The following USH2A variants were observed in gnomAD, a reference collection of about 807,000 sequenced individuals.
USH2A encodes the protein usherin.
Under a neutral mutation model 538.9 loss-of-function variants are expected in USH2A, and 443 were observed. The observed-to-expected ratio is 0.82, with a 90% CI of 0.76 to 0.89. The LOEUF (loss-of-function observed/expected upper bound fraction) is 0.89. USH2A is among the 40% of genes least tolerant of loss of function. The pLI, the probability that USH2A is intolerant of heterozygous loss-of-function variation, is 0.00. For synonymous variants in USH2A, 2,413 were observed against 2,273.5 expected, an observed-to-expected ratio of 1.06 and a Z score of -1.75; for missense variants, 6,633 against 6,324.8, an observed-to-expected ratio of 1.05 and a Z score of -1.65.
chr1:216,147,588 A>G (rs1029853949), intron 21 of USH2A, among the ~76,000 whole-genome samples: 68 of 151,730 alleles, frequency 4.5e-4, no homozygotes, highest in African/African-American at 1.6e-3. Context: ...TTATTACCCA[A>G]TCTGCTCCCG....
At chr1:215,854,801 C>G (rs1050397538) in intron 44 of USH2A, among the ~76,000 whole-genome samples, 1 of 152,166 alleles carries the variant, frequency 6.6e-6, no homozygotes, top group Non-Finnish European at 1.5e-5. Flanking sequence ...GATGGGTTCT[C>G]TACCTGGCCA....
intron 44 of USH2A, among the ~76,000 whole-genome samples, chr1:215,846,651 C>A (rs1279264904): frequency 6.6e-6 from 1 of 151,928 alleles, no homozygotes; most frequent in Non-Finnish European, 1.5e-5. Flanking sequence ...TATAATTATT[C>A]AATGAATCAT....
intron 19 of USH2A, among the ~76,000 whole-genome samples, chr1:216,192,446 T>A (rs1572034677): frequency 6.6e-6 from 1 of 151,830 alleles, no homozygotes; most frequent in African/African-American, 2.4e-5. Context: ...AATCCCAGTA[T>A]TTTGGGAGAC....
Position 215,704,618 on chromosome 1 carries a change from TCCCTGGTC to T in USH2A, c.12066+23404_12066+23411del, listed in dbSNP as rs1659132257. ...TCTCTTTGGGCACATCCTTAGCCTC[TCCCTGGTC>T]TGCCTCTTTCATTCACACCCTGTCC... On this transcript the variant is annotated intron_variant, in intron 61 of 71. Coordinates refer to ENST00000307340, the MANE Select transcript of USH2A (RefSeq NM_206933.4). Among the ~76,000 whole-genome samples, 23 of 152,302 alleles carry T rather than the reference TCCCTGGTC, an allele frequency of 1.5e-4. No homozygotes were observed. The South Asian group carries it at 4.8e-3, about 32-fold the overall frequency.
chr1:216,287,586 T>C (rs549144665), intron 11 of USH2A, among the ~76,000 whole-genome samples: 1 of 152,234 alleles, frequency 6.6e-6, no homozygotes, highest in East Asian at 1.9e-4. Context: ...CCACCCAAGG[T>C]TGTCTAGCAT....
intron 47 of USH2A, among the ~76,000 whole-genome samples, chr1:215,833,247 T>C (rs1451989343): frequency 6.6e-6 from 1 of 151,884 alleles, no homozygotes; most frequent in Non-Finnish European, 1.5e-5. Flanking sequence ...AAGGCCAAAA[T>C]GATTTTTATA....
At chr1:216,377,713 GA>G (rs2038848589) in intron 3 of USH2A, among the ~76,000 whole-genome samples, 1 of 146,726 alleles carries the variant, frequency 6.8e-6, no homozygotes, top group African/African-American at 2.5e-5. Context: ...GAGAGCAGGG[GA>G]GGGGGGAAGA....
chr1:216,416,816 G>A (rs2039584937), intron 3 of USH2A, among the ~76,000 whole-genome samples: 1 of 62,518 alleles, frequency 1.6e-5, no homozygotes, highest in Non-Finnish European at 2.7e-5. Flanking sequence ...ATAAAGGCAA[G>A]TAAAGATAAT....
chr1:216,410,849 C>G (rs910083083), intron 3 of USH2A, among the ~76,000 whole-genome samples: 1 of 152,114 alleles, frequency 6.6e-6, no homozygotes, highest in Admixed American at 6.6e-5. Context: ...GCTGACCATT[C>G]ATTTGCATAT....
At chr1:216,008,453 A>G (rs1040646898) in intron 32 of USH2A, among the ~76,000 whole-genome samples, 1 of 151,096 alleles carries the variant, frequency 6.6e-6, no homozygotes, top group African/African-American at 2.4e-5. Context: ...CCCTTCGCTG[A>G]CTCTCTTTTC....
chr1:215,926,210 C>CAAAAAAA (rs56162024), intron 38 of USH2A, among the ~76,000 whole-genome samples: 3 of 111,642 alleles, frequency 2.7e-5, no homozygotes, highest in African/African-American at 6.8e-5. Flanking sequence ...AGAGACCCTG[C>CAAAAAAA]AAAAAAAAAA....
chr1:216,271,055 A>G (rs1222976253), intron 11 of USH2A, among the ~76,000 whole-genome samples: 2 of 152,142 alleles, frequency 1.3e-5, no homozygotes, highest in Admixed American at 6.6e-5. Flanking sequence ...TTGTGATACA[A>G]TACTCTTCCC....
chr1:216,245,217 T>G (rs1163221573), intron 13 of USH2A, among the ~76,000 whole-genome samples: 5 of 152,164 alleles, frequency 3.3e-5, no homozygotes, highest in Non-Finnish European at 1.5e-5. Context: ...ACCACCTTGC[T>G]TCTACCTGAT....
intron 56 of USH2A, among the ~76,000 whole-genome samples, chr1:215,764,339 A>G (rs558606630): frequency 1.3e-5 from 2 of 152,284 alleles, no homozygotes; most frequent in African/African-American, 4.8e-5. Context: ...CTGTTTCCAC[A>G]TTATCAATGC....
chr1:215,736,073 G>A (rs755150806), intron 60 of USH2A, among the ~76,000 whole-genome samples: 15 of 151,526 alleles, frequency 9.9e-5, no homozygotes, highest in Non-Finnish European at 2.1e-4. Context: ...GGCCCTGGAA[G>A]CCATATCTTC....
Position 215,888,957 on chromosome 1 carries a change from G to T in USH2A, c.7692C>A (p.Thr2564=), listed in dbSNP as rs1396131331. The part of the protein sequence containing the change: ...QHPRKSNGVI[T]HYNIYLHGRL... ...GGCCATGTAGATAAATGTTATAATGGGTAATAACCCCATTGGATTTTCTAG... is the reference window on the plus strand; with the variant it reads ...GGCCATGTAGATAAATGTTATAATGTGTAATAACCCCATTGGATTTTCTAG... Residue 2564 remains threonine (T), a synonymous_variant, in exon 41 of 72, where the codon ACC becomes ACA. Transcript: ENST00000307340. The T allele has an allele frequency of 1.2e-6, 2 of 1,613,956 alleles. No homozygotes were observed. The highest frequency in any genetic ancestry group is 3.3e-5 in the Admixed American group (2 of 59,994).
chr1:216,217,702 C>CAACATAAAA (rs2035370513), intron 14 of USH2A, 152 bp from the exon 15 acceptor site: 6 of 911,898 alleles, frequency 6.6e-6, no homozygotes, highest in Non-Finnish European at 1.0e-5. Flanking sequence ...AACAAAGAAT[C>CAACATAAAA]AACATAAAAT....
At chr1:215,928,119 A>C (rs1259217022) in intron 38 of USH2A, among the ~76,000 whole-genome samples, 5 of 152,052 alleles carry the variant, frequency 3.3e-5, no homozygotes, top group African/African-American at 1.2e-4. Context: ...CACAGTTTCT[A>C]CTCTCACAGT....
intron 54 of USH2A, among the ~76,000 whole-genome samples, chr1:215,780,320 AGTAAAATCTGGCT>A (rs907838980): frequency 6.6e-6 from 1 of 152,152 alleles, no homozygotes; most frequent in African/African-American, 2.4e-5. Flanking sequence ...TGTTTAAACA[AGTAAAATCTGGCT>A]GGCAGACTGT....
Sources: allele counts gnomAD v4.1 joint callset (sites outside exome capture counted in the v4.1 genomes callset), GRCh38; gene constraint gnomAD v4.1.1; transcripts MANE v1.5; gene names NCBI Gene and HGNC (gene_info 2026-07-23, HGNC 2026-07-21).